CHD6: variants seen among roughly 807,000 people sequenced by gnomAD.
CHD6 encodes chromodomain helicase DNA binding protein 6.
In CHD6, 50 loss-of-function variants were observed where a neutral mutation model predicts 276.9. The ratio of observed to expected loss-of-function variants is 0.18; its 90% confidence interval spans 0.14 to 0.23. The LOEUF (loss-of-function observed/expected upper bound fraction) is 0.23. Ranked by LOEUF, CHD6 falls within the 10% of genes least tolerant of loss-of-function variation. The pLI is 1.00. For missense variants in CHD6, 2,564 were observed against 3,365.8 expected (o/e 0.76, Z 5.89); for synonymous variants, 1,173 against 1,229.3 (o/e 0.95, Z 0.96).
chr20:41,428,034 C>A (rs751295108), intron 27 of CHD6, among the ~76,000 whole-genome samples: 16 of 152,144 alleles, frequency 1.1e-4, no homozygotes, highest in East Asian at 1.9e-4. Flanking sequence ...CATCATCATA[C>A]CCCAAGTCCA....
Position 41,404,438 on chromosome 20 carries a change from TTAA to T in CHD6, c.*152_*154del. The T allele has an allele frequency of 1.6e-5, 21 of 1,338,168 alleles. No individual in the cohort carries two copies. The South Asian group carries it at 2.1e-4, about 13-fold the overall frequency. 82.9% of individuals were successfully genotyped at this position (1,338,168 alleles called of 1,614,324 possible). The stretch of plus-strand genomic sequence containing the variant: ...ATGAAGTGGTGAGACCCTGCAACTA[TTAA>T]CATCTGTTACCATAGTTCTCAGACA... On this transcript the variant is annotated 3_prime_UTR_variant, in exon 37 of 37. Transcript: ENST00000373233.
At chr20:41,459,778 C>T (rs2048487761) in intron 17 of CHD6, among the ~76,000 whole-genome samples, 1 of 152,170 alleles carries the variant, frequency 6.6e-6, no homozygotes, top group Admixed American at 6.5e-5. Context: ...CCTTTATTAG[C>T]AGTATGAAAA....
intron 17 of CHD6, among the ~76,000 whole-genome samples, chr20:41,458,599 C>T (rs1049914713): frequency 2.0e-5 from 3 of 152,074 alleles, no homozygotes; most frequent in African/African-American, 7.3e-5. Context: ...CATACACATA[C>T]TCACACAGAT....
chr20:41,416,088 A>G (rs930648333), intron 33 of CHD6, among the ~76,000 whole-genome samples: 1 of 152,118 alleles, frequency 6.6e-6, no homozygotes, highest in Non-Finnish European at 1.5e-5. Context: ...CTAGTTAATA[A>G]TGTATCTCAA....
chr20:41,583,096 G>A (rs1374180190), intron 1 of CHD6, among the ~76,000 whole-genome samples: 1 of 152,112 alleles, frequency 6.6e-6, no homozygotes, highest in Non-Finnish European at 1.5e-5. Context: ...GGAAAAAAAG[G>A]CTAAGAATTC....
Position 41,445,680 on chromosome 20 carries a change from C to T in CHD6, c.3862G>A (p.Gly1288Ser), listed in dbSNP as rs1270444020. Residue 1288 changes from glycine (G) to serine (S), a missense_variant, in exon 25 of 37, where the codon GGC (glycine) becomes AGC (serine). Gly to Ser is a moderately conservative substitution (Grantham distance 56). Transcript: ENST00000373233. ...DAEADKSLLI[G>S]VFKHGYERYN... ...AAATACACACCATGCTTGAACACGCCAATGAGAAGTGACTTATCGGCTTCA... is the reference window on the plus strand; with the variant it reads ...AAATACACACCATGCTTGAACACGCTAATGAGAAGTGACTTATCGGCTTCA... 6.2e-7 allele frequency: 1 copy of T among 1,612,350 alleles called. No homozygotes were observed. The highest frequency in any genetic ancestry group is 8.5e-7 in the Non-Finnish European group (1 of 1,178,450).
chr20:41,545,469 G>A (rs2045022447), intron 2 of CHD6, among the ~76,000 whole-genome samples: 1 of 152,152 alleles, frequency 6.6e-6, no homozygotes. Context: ...ATTCTAGGGT[G>A]AGGCTCTTTA....
rs535942848 is a variant in CHD6, at chr20:41,555,479, C to T, written c.-23-4119G>A. 2.3e-3 allele frequency among the ~76,000 whole-genome samples: 352 copies of T among 150,384 alleles called. 1 individual carries two copies. The highest frequency in any genetic ancestry group is 4.5e-3 in the African/African-American group (185 of 40,906). On this transcript the variant is annotated intron_variant, in intron 1 of 36. Transcript: ENST00000373233. ...GACGCTCCTCACTTCCCAGACAGGG[C>T]GGCTGCCGGGCGGAGGGGCTCCTCA... is the stretch of plus-strand genomic sequence containing the variant.
intron 18 of CHD6, among the ~76,000 whole-genome samples, chr20:41,456,728 G>C (rs903057030): frequency 1.3e-5 from 2 of 152,202 alleles, no homozygotes; most frequent in Non-Finnish European, 2.9e-5. Context: ...TATACTTTAA[G>C]ATACTTTAGG....
chr20:41,419,991 G>C (rs373580940), intron 31 of CHD6, among the ~76,000 whole-genome samples: 8 of 152,288 alleles, frequency 5.3e-5, no homozygotes, highest in African/African-American at 1.9e-4. Flanking sequence ...GTTACTGAAA[G>C]GAATCTAAAT....
At chr20:41,437,214 G>A (rs773321606) in intron 27 of CHD6, 60 bp downstream of exon 27, 155 of 1,272,598 alleles carry the variant, frequency 1.2e-4, no homozygotes, top group Non-Finnish European at 1.7e-4. Context: ...TACCAAGATA[G>A]GGATTTCTTT....
intron 17 of CHD6, among the ~76,000 whole-genome samples, chr20:41,458,252 A>C (rs554637428): frequency 6.6e-6 from 1 of 152,230 alleles, no homozygotes; most frequent in Non-Finnish European, 1.5e-5. Flanking sequence ...TATAGGAGGG[A>C]CAAGCTAAAT....
chr20:41,584,276 C>A (rs1053603066), intron 1 of CHD6, among the ~76,000 whole-genome samples: 3 of 151,978 alleles, frequency 2.0e-5, no homozygotes, highest in South Asian at 2.1e-4. Context: ...GTTAATTCAT[C>A]GAAAAGATAT....
At chr20:41,422,498 T>A (rs1184181373) in intron 30 of CHD6, among the ~76,000 whole-genome samples, 2 of 151,550 alleles carry the variant, frequency 1.3e-5, no homozygotes, top group African/African-American at 4.9e-5. Flanking sequence ...ATAAAAAAAA[T>A]TATCTGGGCA....
At chr20:41,554,984 G>C (rs1342859397) in intron 1 of CHD6, among the ~76,000 whole-genome samples, 1 of 150,996 alleles carries the variant, frequency 6.6e-6, no homozygotes, top group East Asian at 2.0e-4. Flanking sequence ...TCACCTCCCG[G>C]ACGGGGCGGC....
At chr20:41,500,069 T>C (rs2043795188) in intron 5 of CHD6, among the ~76,000 whole-genome samples, 1 of 152,122 alleles carries the variant, frequency 6.6e-6, no homozygotes, top group South Asian at 2.1e-4. Flanking sequence ...TATTTATAGT[T>C]AAAAACACAA....
intron 3 of CHD6, among the ~76,000 whole-genome samples, chr20:41,528,396 G>A (rs185163554): frequency 1.5e-3 from 222 of 152,190 alleles, no homozygotes; most frequent in African/African-American, 5.2e-3. Context: ...TCTTAGGCAA[G>A]TGGCTCCAAT....
chr20:41,608,347 AAAG>A (rs1453629499), intron 1 of CHD6, among the ~76,000 whole-genome samples: 1 of 152,236 alleles, frequency 6.6e-6, no homozygotes, highest in East Asian at 1.9e-4. Flanking sequence ...CGTTTCTAGT[AAAG>A]AAGAGCTATT....
chr20:41,409,192 T>C (rs2046770371), intron 36 of CHD6, among the ~76,000 whole-genome samples: 1 of 152,234 alleles, frequency 6.6e-6, no homozygotes, highest in Admixed American at 6.5e-5. Flanking sequence ...AACCATGTCC[T>C]GTGGAGGAGT....
Sources: allele counts gnomAD v4.1 joint callset (sites outside exome capture counted in the v4.1 genomes callset), GRCh38; gene constraint gnomAD v4.1.1; transcripts MANE v1.5; gene names NCBI Gene and HGNC (gene_info 2026-07-23, HGNC 2026-07-21).